BICD2: variants seen among roughly 807,000 people sequenced by gnomAD.
The protein encoded by BICD2 is BICD cargo adaptor 2, also known as protein bicaudal D homolog 2.
In BICD2, 25 loss-of-function variants were observed where a neutral mutation model predicts 72.9. The ratio of observed to expected loss-of-function variants is 0.34; its 90% confidence interval spans 0.25 to 0.48. BICD2 has a LOEUF of 0.48. Ranked by LOEUF, BICD2 falls within the 20% of genes least tolerant of loss-of-function variation. The pLI is 0.99. For missense variants in BICD2, 894 were observed against 1,175.2 expected, an observed-to-expected ratio of 0.76 and a Z score of 3.50; for synonymous variants, 501 against 516.1, an observed-to-expected ratio of 0.97 and a Z score of 0.40.
At chr9:92,716,197 T>C (rs1433922467) in intron 6 of BICD2, among the ~76,000 whole-genome samples, 1 of 152,068 alleles carries the variant, frequency 6.6e-6, no homozygotes, top group Non-Finnish European at 1.5e-5. Context: ...ACTCTGCCTG[T>C]CCCCACCTGC....
intron 2 of BICD2, among the ~76,000 whole-genome samples, chr9:92,726,103 A>G (rs915516431): frequency 6.6e-6 from 1 of 152,088 alleles, no homozygotes; most frequent in Non-Finnish European, 1.5e-5. Context: ...CACAGCGGTT[A>G]GAGTCAGGAT....
chr9:92,735,968 A>G (rs548366659), intron 1 of BICD2, among the ~76,000 whole-genome samples: 6 of 152,326 alleles, frequency 3.9e-5, no homozygotes, highest in African/African-American at 1.4e-4. Context: ...CTTAAAGGAC[A>G]GCAGCACCCA....
At chr9:92,748,448 G>T (rs935536616) in intron 1 of BICD2, among the ~76,000 whole-genome samples, 2 of 152,154 alleles carry the variant, frequency 1.3e-5, no homozygotes, top group African/African-American at 4.8e-5. Context: ...TGGCCCCTGA[G>T]CTTTAGAATT....
At chr9:92,724,579 G>A (rs1200351184) in intron 2 of BICD2, among the ~76,000 whole-genome samples, 1 of 152,232 alleles carries the variant, frequency 6.6e-6, no homozygotes, top group African/African-American at 2.4e-5. Flanking sequence ...GAGAAGGCCT[G>A]GCAAAGCCTT....
chr9:92,718,339 C>A (rs952400564), intron 5 of BICD2, among the ~76,000 whole-genome samples, 200 bp downstream of exon 5: 7 of 152,228 alleles, frequency 4.6e-5, no homozygotes, highest in African/African-American at 1.7e-4. Flanking sequence ...GGGGCCCTCA[C>A]ACCCACCTGC....
At chr9:92,722,239 G>T (rs1853477507) in intron 3 of BICD2, among the ~76,000 whole-genome samples, 1 of 152,140 alleles carries the variant, frequency 6.6e-6, no homozygotes, top group African/African-American at 2.4e-5. Context: ...GAGACAGAGG[G>T]GTTCCTGTTC....
In BICD2 at chr9:92,719,427, C is replaced by T. The variant is rs766185586; in HGVS notation, c.1218G>A (p.Arg406=). The T allele has an allele frequency of 6.2e-7, 1 of 1,614,178 alleles. No individual in the cohort carries two copies. The highest frequency in any genetic ancestry group is 8.5e-7 in the Non-Finnish European group (1 of 1,180,048). The change falls in exon 5 of 7, where the codon CGG becomes CGA. Residue 406 remains arginine, a synonymous_variant. Coordinates refer to ENST00000356884, the MANE Select transcript of BICD2 (RefSeq NM_001003800.2). ...ALRRLQASKE[R]QTALDNEKDR... ...CCTTCTCGTTGTCCAGGGCTGTCTG[C>T]CGCTCCTTGCTGGCCTGCAGGCGCC...
chr9:92,726,079 A>G (rs1301368873), intron 2 of BICD2, among the ~76,000 whole-genome samples: 1 of 152,114 alleles, frequency 6.6e-6, no homozygotes. Flanking sequence ...GCCCACATGT[A>G]GGGCCCACAC....
rs978246189 is a variant in BICD2, at chr9:92,711,822, T to C, written c.*3332A>G. On this transcript the variant is annotated 3_prime_UTR_variant, in exon 7 of 7. Coordinates refer to ENST00000356884, the MANE Select transcript of BICD2 (RefSeq NM_001003800.2). ...GCTTATTCCAGGAAACAGAATTCTT[T>C]TATTTTTGTCATTTATATTATTATA... 6.6e-6 allele frequency: 1 copy of C among 152,482 alleles called. No individual in the cohort carries two copies. Among genetic ancestry groups the C allele is most frequent in the African/African-American group, 2.4e-5 (1 of 41,418 alleles). The allele number at this position is 152,482 out of a possible 1,614,324, so 9.4% of individuals were successfully genotyped here.
chr9:92,715,385 G>A lies in BICD2; in HGVS notation c.2337C>T (p.Asn779=). 6.2e-7 allele frequency: 1 copy of A among 1,611,334 alleles called. No individual in the cohort carries two copies. The highest frequency in any genetic ancestry group is 8.5e-7 in the Non-Finnish European group (1 of 1,178,292). The change falls in exon 7 of 7, where the codon AAC becomes AAT. Residue 779 remains asparagine, a synonymous_variant. Transcript: ENST00000356884. ...AAAEDEKKTL[N]SLLRMAIQQK... The stretch of plus-strand genomic sequence containing the variant: ...GCTGGATGGCCATGCGCAGCAGCGA[G>A]TTCAGCGTCTTCTTCTCGTCCTCAG...
chr9:92,764,259 G>A lies in BICD2; in HGVS notation c.240+246C>T, dbSNP rs1245599135. Reference sequence around the variant, plus strand: ...CGCCCAGGTCCGCACAGAAGCAGGCGGGCAGCTGCAGGAGGCGACAAGGCG... The same window carrying A: ...CGCCCAGGTCCGCACAGAAGCAGGCAGGCAGCTGCAGGAGGCGACAAGGCG... On this transcript the variant is annotated intron_variant, in intron 1 of 6. Coordinates refer to ENST00000356884, the MANE Select transcript of BICD2 (RefSeq NM_001003800.2). This position sits in a 1 kb window ranked among gnomAD's most constrained non-coding sequence, Gnocchi z 5.5. Among the ~76,000 whole-genome samples the A allele has an allele frequency of 6.6e-6, 1 of 152,090 alleles. No homozygotes were observed. The highest frequency in any genetic ancestry group is 2.4e-5 in the African/African-American group (1 of 41,430).
chr9:92,728,659 G>C (rs1853615815), intron 2 of BICD2, among the ~76,000 whole-genome samples: 1 of 152,252 alleles, frequency 6.6e-6, no homozygotes, highest in African/African-American at 2.4e-5. Context: ...TCCCAGGGCA[G>C]GGGGGAGTCC....
At position 92,719,251 on chromosome 9, in the gene BICD2, G is replaced by C. The variant is rs778602022; in HGVS notation, c.1394C>G (p.Ala465Gly). 1 of 1,613,000 alleles carries C rather than the reference G, an allele frequency of 6.2e-7. No individual in the cohort carries two copies. The highest frequency in any genetic ancestry group is 8.5e-7 in the Non-Finnish European group (1 of 1,179,988). The change falls in exon 5 of 7, where the codon GCC becomes GGC. Residue 465 changes from alanine (A) to glycine (G), a missense_variant. Around this residue, in one of 5 missense-constraint regions of BICD2, gnomAD observed 371 missense variants for 439.1 expected, o/e 0.84. Transcript: ENST00000356884. Reference protein sequence around the residue: ...ALRSTHEAREAQHAEEKGRYE... With the variant: ...ALRSTHEAREGQHAEEKGRYE... The stretch of plus-strand genomic sequence containing the variant: ...GCGGCCCTTCTCCTCGGCGTGCTGG[G>C]CCTCACGAGCCTCGTGCGTGCTGCG...
intron 1 of BICD2, among the ~76,000 whole-genome samples, chr9:92,730,160 C>T (rs1443784821): frequency 6.6e-6 from 1 of 152,206 alleles, no homozygotes; most frequent in Non-Finnish European, 1.5e-5. Flanking sequence ...GGCAGACGGG[C>T]CGCAGTGTGT....
chr9:92,742,709 C>G (rs764926544), intron 1 of BICD2, among the ~76,000 whole-genome samples: 5 of 151,970 alleles, frequency 3.3e-5, no homozygotes, highest in East Asian at 1.9e-4. Flanking sequence ...TCACCCCCCC[C>G]AAAGAAACTC....
At chr9:92,751,065 C>T (rs1409988605) in intron 1 of BICD2, among the ~76,000 whole-genome samples, 1 of 152,024 alleles carries the variant, frequency 6.6e-6, no homozygotes, top group African/African-American at 2.4e-5. Flanking sequence ...CACACACCAC[C>T]AAGCCTGGCT....
rs1854434335 is a variant in BICD2 at position 92,764,273 on chromosome 9, G to A, written c.240+232C>T. On this transcript the variant is annotated intron_variant, in intron 1 of 6. Transcript: ENST00000356884. The surrounding 1 kb of genome is among the most constrained non-coding windows in gnomAD (Gnocchi z 5.5). ...CAGAAGCAGGCGGGCAGCTGCAGGA[G>A]GCGACAAGGCGCCCGGACCCCTGCA... Among the ~76,000 whole-genome samples, 2 of 152,154 alleles carry A rather than the reference G, an allele frequency of 1.3e-5. No individual in the cohort carries two copies. Among genetic ancestry groups the A allele is most frequent in the East Asian group, 1.9e-4 (1 of 5,170 alleles).
chr9:92,737,155 G>T (rs1333678679), intron 1 of BICD2, among the ~76,000 whole-genome samples: 1 of 152,200 alleles, frequency 6.6e-6, no homozygotes, highest in Non-Finnish European at 1.5e-5. Flanking sequence ...TGTGACTGTG[G>T]TGGGCGCCAA....
At position 92,714,395 on chromosome 9, in the gene BICD2, G is replaced by C; in HGVS notation, c.*759C>G. 1.0e-6 allele frequency: 1 copy of C among 985,498 alleles called. No homozygotes were observed. Among genetic ancestry groups the C allele is most frequent in the South Asian group, 4.7e-5 (1 of 21,292 alleles). The allele number at this position is 985,498 out of a possible 1,614,324, so 61.0% of individuals were successfully genotyped here. A position where few individuals can be genotyped will look rare whatever the true frequency, so the allele number is the denominator to read the frequency against. ...CAGGCACTTGGAAAGCTTTTCTCAT[G>C]AAAAATGAAAACCTGGGGCCTTGGG... is the stretch of plus-strand genomic sequence containing the variant. On this transcript the variant is annotated 3_prime_UTR_variant, in exon 7 of 7. Coordinates refer to ENST00000356884, the MANE Select transcript of BICD2 (RefSeq NM_001003800.2).
Sources: gnomAD v4.1 joint callset for allele counts (sites outside exome capture counted in the v4.1 genomes callset) on GRCh38, gnomAD v4.1.1 for gene constraint, gnomAD v4.1.1 regional missense constraint, Gnocchi (gnomAD v3.1) non-coding constraint, MANE v1.5 for transcripts, NCBI Gene and HGNC (gene_info 2026-07-23, HGNC 2026-07-21) for gene names.